ABTB2: variants seen among roughly 807,000 people sequenced by gnomAD.
ABTB2 encodes the protein ankyrin repeat and BTB domain containing 2.
ABTB2 carries 56 observed loss-of-function variants against 104.1 expected under a neutral mutation model. That is an observed-to-expected ratio of 0.54 (90% CI 0.43 to 0.67). ABTB2 has a LOEUF of 0.67. ABTB2 is among the 30% of genes least tolerant of loss of function. ABTB2 has a pLI of 0.00. For synonymous variants in ABTB2, 606 were observed against 608.2 expected, an observed-to-expected ratio of 1.00 and a Z score of 0.05; for missense variants, 1,279 against 1,407.7, an observed-to-expected ratio of 0.91 and a Z score of 1.46.
At chr11:34,354,790 T>A (rs929946930) in intron 1 of ABTB2, among the ~76,000 whole-genome samples, 1 of 152,252 alleles carries the variant, frequency 6.6e-6, no homozygotes, top group Admixed American at 6.5e-5. Flanking sequence ...ACCCTTATTC[T>A]TGTTTGGCTT....
intron 3 of ABTB2, among the ~76,000 whole-genome samples, chr11:34,181,058 CCATGACCAGCAAATTTTTGT>C (rs1373361752): frequency 6.6e-6 from 1 of 152,282 alleles, no homozygotes; most frequent in East Asian, 1.9e-4. Context: ...GCATGCACCA[CCATGACCAGCAAATTTTTGT>C]ATTTTTAGTA....
At chr11:34,239,933 T>TC in intron 1 of ABTB2, among the ~76,000 whole-genome samples, 1 of 152,168 alleles carries the variant, frequency 6.6e-6, no homozygotes, top group Admixed American at 6.5e-5. Flanking sequence ...CAGAGGCATT[T>TC]CCCCCCTAAA....
chr11:34,266,086 T>G (rs572654966), intron 1 of ABTB2, among the ~76,000 whole-genome samples: 1 of 152,312 alleles, frequency 6.6e-6, no homozygotes, highest in East Asian at 1.9e-4. Flanking sequence ...TGTTATTTAT[T>G]TATCTACTTA....
rs146205190 is a variant in ABTB2, at chr11:34,249,726, C to G, written c.884-45036G>C. Among the ~76,000 whole-genome samples, 782 of 152,318 alleles carry G rather than the reference C, an allele frequency of 5.1e-3. 5 individuals are homozygous for G. The highest frequency in any genetic ancestry group is 0.018 in the African/African-American group (754 of 41,564). The stretch of plus-strand genomic sequence containing the variant: ...GTGGTGTAATCACAGCTTACTGCAG[C>G]CTTGAACTCCTGGGTTCAAGTGATC... On this transcript the variant is annotated intron_variant, in intron 1 of 16. Transcript: ENST00000435224.
At chr11:34,166,880 T>A (rs1382280967) in intron 7 of ABTB2, among the ~76,000 whole-genome samples, 2 of 152,096 alleles carry the variant, frequency 1.3e-5, no homozygotes, top group Non-Finnish European at 2.9e-5. Context: ...GAGTTGGCCC[T>A]GTAGTAGAAT....
chr11:34,152,091 T>G lies in ABTB2; in HGVS notation c.*296A>C, dbSNP rs1852549323. On this transcript the variant is annotated 3_prime_UTR_variant, in exon 17 of 17. Transcript: ENST00000435224. ...GGTGGATCAGGATCAGCTGCTGACCTGCAGGAGGGGAGAGCGACACCCCGG... is the reference window on the plus strand; with the variant it reads ...GGTGGATCAGGATCAGCTGCTGACCGGCAGGAGGGGAGAGCGACACCCCGG... The G allele has an allele frequency of 1.4e-5, 6 of 414,480 alleles. No homozygotes were observed. Among genetic ancestry groups the G allele is most frequent in the South Asian group, 1.4e-4 (6 of 41,732 alleles). The allele number at this position is 414,480 out of a possible 1,614,324, so 25.7% of individuals were successfully genotyped here. A position where few individuals can be genotyped will look rare whatever the true frequency, so the allele number is the denominator to read the frequency against.
At position 34,210,930 on chromosome 11, in the gene ABTB2, C is replaced by A. The variant is rs111498647; in HGVS notation, c.884-6240G>T. 1.2e-4 allele frequency among the ~76,000 whole-genome samples: 18 copies of A among 152,306 alleles called. 1 individual carries two copies. Among genetic ancestry groups the A allele is most frequent in the Non-Finnish European group, 7.4e-5 (5 of 68,018 alleles). On this transcript the variant is annotated intron_variant, in intron 1 of 16. Coordinates refer to ENST00000435224, the MANE Select transcript of ABTB2 (RefSeq NM_145804.3). ...CGGTTTCCAAATAGCCCAGATAAGC[C>A]AACCCCTTTTTAAAATTTTTTTATT...
At position 34,159,818 on chromosome 11, in the gene ABTB2, C is replaced by T. The variant is rs150092705; in HGVS notation, c.2606+88G>A. ...AGGGGCAGAGGCTGCAGGGTACAGC[C>T]CCAGCGAGTCACTCTCTGTCACCTG... is the stretch of plus-strand genomic sequence containing the variant. On this transcript the variant is annotated intron_variant, in intron 13 of 16. Transcript: ENST00000435224. 9.2e-4 allele frequency: 973 copies of T among 1,056,396 alleles called. 4 individuals carry two copies. In the East Asian group the frequency reaches 0.012, roughly 13 times the overall value. 65.4% of individuals were successfully genotyped at this position (1,056,396 alleles called of 1,614,324 possible).
chr11:34,188,999 G>T (rs558248158), intron 3 of ABTB2, among the ~76,000 whole-genome samples: 1 of 152,210 alleles, frequency 6.6e-6, no homozygotes, highest in African/African-American at 2.4e-5. Context: ...ACTCTGAGAG[G>T]TAAGATGATT....
intron 13 of ABTB2, 62 bp from the exon 14 acceptor site, chr11:34,159,448 A>G (rs1480750293): frequency 7.0e-5 from 77 of 1,102,212 alleles, no homozygotes; most frequent in East Asian, 1.4e-4. Context: ...CTGTGTGGCG[A>G]TGGCACCATC....
chr11:34,316,092 TA>T (rs1854925952), intron 1 of ABTB2, among the ~76,000 whole-genome samples: 1 of 152,210 alleles, frequency 6.6e-6, no homozygotes, highest in African/African-American at 2.4e-5. Context: ...AGAACAAGGC[TA>T]AAAATGCCGA....
intron 1 of ABTB2, among the ~76,000 whole-genome samples, chr11:34,319,062 C>G (rs991423727): frequency 7.2e-5 from 11 of 152,206 alleles, no homozygotes; most frequent in Non-Finnish European, 1.6e-4. Flanking sequence ...GGCCAAGGCC[C>G]CTGGAGCTGG....
chr11:34,323,053 C>A (rs189867185), intron 1 of ABTB2, among the ~76,000 whole-genome samples: 8 of 152,102 alleles, frequency 5.3e-5, no homozygotes, highest in Non-Finnish European at 1.2e-4. Context: ...ATTACAGGCA[C>A]CTGCCACCAT....
intron 1 of ABTB2, among the ~76,000 whole-genome samples, chr11:34,317,756 T>C (rs1411705356): frequency 1.1e-5 from 1 of 88,396 alleles, no homozygotes; most frequent in African/African-American, 5.1e-5. Context: ...AGCAAAATCC[T>C]GTCTCAAAAA....
chr11:34,350,020 G>A (rs1462724110), intron 1 of ABTB2, among the ~76,000 whole-genome samples: 5 of 152,240 alleles, frequency 3.3e-5, no homozygotes, highest in Middle Eastern at 3.4e-3. Context: ...AGGCACAACC[G>A]CATGTGTACA....
chr11:34,196,839 C>T (rs1205419030), intron 3 of ABTB2, among the ~76,000 whole-genome samples: 1 of 152,202 alleles, frequency 6.6e-6, no homozygotes, highest in Non-Finnish European at 1.5e-5. Flanking sequence ...GCAAAACACA[C>T]CCAGGACCCC....
intron 1 of ABTB2, among the ~76,000 whole-genome samples, chr11:34,316,609 T>C (rs1216511466): frequency 6.6e-6 from 1 of 152,098 alleles, no homozygotes; most frequent in Non-Finnish European, 1.5e-5. Flanking sequence ...GCAGTGAAAA[T>C]ACCAAGGCCA....
intron 1 of ABTB2, among the ~76,000 whole-genome samples, chr11:34,351,603 G>T (rs559857893): frequency 6.6e-6 from 1 of 151,702 alleles, no homozygotes; most frequent in East Asian, 2.0e-4. Context: ...AAATGGGGAC[G>T]GTTCTGATAT....
intron 14 of ABTB2, among the ~76,000 whole-genome samples, chr11:34,158,597 C>A (rs1455678306): frequency 6.6e-6 from 1 of 152,198 alleles, no homozygotes; most frequent in Non-Finnish European, 1.5e-5. Context: ...CCTGAGCCCA[C>A]CACACAGCCT....
Sources: allele counts gnomAD v4.1 joint callset (sites outside exome capture counted in the v4.1 genomes callset), GRCh38; gene constraint gnomAD v4.1.1; transcripts MANE v1.5; gene names NCBI Gene and HGNC (gene_info 2026-07-23, HGNC 2026-07-21).